The following YEATS2 variants were observed in gnomAD, a reference collection of about 807,000 sequenced individuals.
The protein encoded by YEATS2 is YEATS domain containing 2.
YEATS2 carries 77 observed loss-of-function variants against 163.2 expected under a neutral mutation model. The observed-to-expected ratio is 0.47, with a 90% confidence interval of 0.39 to 0.57. The LOEUF (loss-of-function observed/expected upper bound fraction) is 0.57. YEATS2 is among the 20% of genes least tolerant of loss of function. The pLI is 0.00. For missense variants in YEATS2, 1,549 were observed against 1,729.8 expected, an observed-to-expected ratio of 0.90 and a Z score of 1.85; for synonymous variants, 631 against 645.1, an observed-to-expected ratio of 0.98 and a Z score of 0.33.
chr3:183,708,408 TAG>T (rs1714845381), intron 1 of YEATS2, among the ~76,000 whole-genome samples: 1 of 152,160 alleles, frequency 6.6e-6, no homozygotes, highest in Admixed American at 6.5e-5. Flanking sequence ...AACACAATGG[TAG>T]AGTTCTAGGA....
intron 30 of YEATS2, among the ~76,000 whole-genome samples, chr3:183,809,697 T>TA (rs1430061698): frequency 6.6e-6 from 1 of 152,204 alleles, no homozygotes; most frequent in African/African-American, 2.4e-5. Context: ...TCGTTGTCTT[T>TA]GATTAAGACA....
chr3:183,733,432 A>G (rs1283543703), intron 7 of YEATS2, among the ~76,000 whole-genome samples: 1 of 152,184 alleles, frequency 6.6e-6, no homozygotes, highest in African/African-American at 2.4e-5. Flanking sequence ...ATTCTTTGGT[A>G]TACTCCAGTT....
chr3:183,754,849 GTT>G (rs1720550012), intron 11 of YEATS2, among the ~76,000 whole-genome samples: 2 of 152,146 alleles, frequency 1.3e-5, no homozygotes, highest in Admixed American at 1.3e-4. Context: ...GAGTTGTCTT[GTT>G]CACTAAGATT....
intron 29 of YEATS2, 164 bp downstream of exon 29, chr3:183,808,268 G>A (rs1424089813): frequency 1.6e-6 from 1 of 612,960 alleles, no homozygotes; most frequent in Non-Finnish European, 2.8e-6. Context: ...TTTTCCTTCT[G>A]ATTTTTAAAT....
intron 25 of YEATS2, 57 bp from the exon 26 acceptor site, chr3:183,803,199 C>T (rs905940710): frequency 1.9e-5 from 30 of 1,566,428 alleles, no homozygotes; most frequent in Admixed American, 3.6e-5. Flanking sequence ...CAGCAAATGA[C>T]GTGTGGTTGG....
intron 1 of YEATS2, among the ~76,000 whole-genome samples, chr3:183,713,993 T>TG (rs1288225524): frequency 1.3e-5 from 2 of 151,884 alleles, no homozygotes; most frequent in Non-Finnish European, 2.9e-5. Flanking sequence ...TTAGTAGAGA[T>TG]GGGGTTTCAC....
At chr3:183,777,837 T>C (rs751466171) in intron 19 of YEATS2, 137 bp downstream of exon 19, 52 of 1,246,526 alleles carry the variant, frequency 4.2e-5, no homozygotes, top group Non-Finnish European at 5.3e-5. Flanking sequence ...GAGTGGTCGC[T>C]CACGTCTGTA....
rs1560341875 is a variant in YEATS2, at chr3:183,807,042, T to C, written c.3961T>C (p.Tyr1321His). 6.2e-7 allele frequency: 1 copy of C among 1,614,126 alleles called. No individual in the cohort carries two copies. The highest frequency in any genetic ancestry group is 1.1e-5 in the South Asian group (1 of 91,052). ...AGAGAAACAAGAGGAAGTCAAGTTC[T>C]ACCTGCCACCAACCCCAGGGTCTGA... ...QEEKQEEVKF[Y>H]LPPTPGSEFI... is the part of the protein sequence containing the mutation. Residue 1321 changes from tyrosine (Y) to histidine (H), a missense_variant, in exon 28 of 31, where the codon TAC (tyrosine) becomes CAC (histidine). Physicochemically the swap from Tyr to His is moderately conservative, Grantham distance 83. Coordinates refer to ENST00000305135, the MANE Select transcript of YEATS2 (RefSeq NM_018023.5).
chr3:183,771,781 C>T (rs1389514342), intron 15 of YEATS2, among the ~76,000 whole-genome samples: 1 of 141,070 alleles, frequency 7.1e-6, no homozygotes, highest in East Asian at 2.0e-4. Flanking sequence ...GGCTGGAGTG[C>T]AGTGGCATGA....
intron 11 of YEATS2, among the ~76,000 whole-genome samples, chr3:183,756,321 A>T (rs77294143): frequency 0.024 from 3,617 of 152,212 alleles, 148 homozygotes; most frequent in African/African-American, 0.083. Flanking sequence ...TGATCCATGG[A>T]TAAGGATGCA....
chr3:183,744,102 C>CTTTTTT (rs562807575), intron 8 of YEATS2, among the ~76,000 whole-genome samples: 1 of 55,996 alleles, frequency 1.8e-5, no homozygotes, highest in Non-Finnish European at 3.0e-5. Context: ...TTTAGTTTTG[C>CTTTTTT]TTTTTTTTTT....
intron 1 of YEATS2, among the ~76,000 whole-genome samples, chr3:183,702,972 A>G (rs1232250018): frequency 6.6e-6 from 1 of 152,180 alleles, no homozygotes; most frequent in Middle Eastern, 3.2e-3. Flanking sequence ...AAGGTTGTAG[A>G]CAGCGTACTG....
intron 17 of YEATS2, among the ~76,000 whole-genome samples, chr3:183,774,863 A>G (rs1479343131): frequency 6.6e-6 from 1 of 152,172 alleles, no homozygotes; most frequent in Non-Finnish European, 1.5e-5. Context: ...GGTATGTCCA[A>G]AAGTTAAATG....
In YEATS2 at chr3:183,786,255, C is replaced by T; in HGVS notation, c.2867C>T (p.Ala956Val). ...GTAGCAGGAGGGGTTATCACAACTG[C>T]CACTTCCCCTGCCGTGGCCCTCTCA... ...LRVAGGVITT[A>V]TSPAVALSAN... Residue 956 changes from alanine to valine, a missense_variant, in exon 20 of 31, where the codon GCC becomes GTC. Coordinates refer to ENST00000305135, the MANE Select transcript of YEATS2 (RefSeq NM_018023.5). 1 of 1,614,076 alleles carries T rather than the reference C, an allele frequency of 6.2e-7. No individual in the cohort carries two copies. Among genetic ancestry groups the T allele is most frequent in the South Asian group, 1.1e-5 (1 of 91,080 alleles).
At chr3:183,747,604 T>C in intron 8 of YEATS2, 68 bp from the exon 9 acceptor site, 1 of 1,370,930 alleles carries the variant, frequency 7.3e-7, no homozygotes, top group Non-Finnish European at 1.0e-6. Context: ...TAGATAAAGA[T>C]TGTATCCTAT....
intron 1 of YEATS2, among the ~76,000 whole-genome samples, chr3:183,703,708 A>G (rs1714341069): frequency 6.6e-6 from 1 of 152,146 alleles, no homozygotes; most frequent in South Asian, 2.1e-4. Flanking sequence ...TTCTCAGTAT[A>G]ATATTAAAAT....
At chr3:183,752,553 C>G (rs1481303662) in intron 10 of YEATS2, among the ~76,000 whole-genome samples, 1 of 149,592 alleles carries the variant, frequency 6.7e-6, no homozygotes, top group East Asian at 2.0e-4. Flanking sequence ...ACTAAAAATA[C>G]AAAAATTTAG....
intron 1 of YEATS2, among the ~76,000 whole-genome samples, chr3:183,702,585 T>C (rs530592308): frequency 1.0e-3 from 152 of 149,284 alleles, no homozygotes; most frequent in African/African-American, 3.6e-3. Flanking sequence ...GCCTATAATC[T>C]CAGCACTTTG....
chr3:183,722,952 T>G (rs1274688892), intron 5 of YEATS2, among the ~76,000 whole-genome samples: 2 of 152,234 alleles, frequency 1.3e-5, no homozygotes, highest in African/African-American at 4.8e-5. Flanking sequence ...GCGCCCGACT[T>G]AAACCTGAGT....
Sources: gnomAD v4.1 joint callset for allele counts (sites outside exome capture counted in the v4.1 genomes callset) on GRCh38, gnomAD v4.1.1 for gene constraint, MANE v1.5 for transcripts, NCBI Gene and HGNC (gene_info 2026-07-23, HGNC 2026-07-21) for gene names.